Variants in KCNIP4 observed in about 807,000 individuals in gnomAD.
The protein encoded by KCNIP4 is Kv channel-interacting protein 4.
Under a neutral mutation model 34.0 loss-of-function variants are expected in KCNIP4, and 12 were observed. The observed-to-expected ratio is 0.35, with a 90% CI of 0.23 to 0.57. KCNIP4 has a LOEUF of 0.57. KCNIP4 is among the 20% of genes least tolerant of loss of function. KCNIP4 has a pLI of 0.83. For missense variants in KCNIP4, 238 were observed against 311.7 expected (o/e 0.76, Z 1.78); for synonymous variants, 124 against 102.2 (o/e 1.21, Z -1.29).
At chr4:20,839,377 CATCT>C (rs2149469062) in intron 3 of KCNIP4, among the ~76,000 whole-genome samples, 1 of 151,514 alleles carries the variant, frequency 6.6e-6, no homozygotes, top group African/African-American at 2.4e-5. Flanking sequence ...TACCTATAGA[CATCT>C]ATCTCTATAT....
intron 5 of KCNIP4, among the ~76,000 whole-genome samples, chr4:20,737,662 G>A (rs182218807): frequency 1.3e-5 from 2 of 152,300 alleles, no homozygotes; most frequent in African/African-American, 4.8e-5. Context: ...AAGAATCTGA[G>A]GTTTGAGGAG....
At chr4:21,861,492 A>G (rs1279728073) in intron 1 of KCNIP4, among the ~76,000 whole-genome samples, 1 of 151,960 alleles carries the variant, frequency 6.6e-6, no homozygotes, top group Non-Finnish European at 1.5e-5. Context: ...TCTCTATTAA[A>G]AATACAAAAA....
chr4:21,938,109 A>C (rs1729971600), intron 1 of KCNIP4, among the ~76,000 whole-genome samples: 1 of 152,116 alleles, frequency 6.6e-6, no homozygotes. Flanking sequence ...TCAGGACCAC[A>C]GTTCTCCCTG....
intron 1 of KCNIP4, among the ~76,000 whole-genome samples, chr4:21,940,962 A>G (rs1478263063): frequency 2.0e-5 from 3 of 152,152 alleles, no homozygotes; most frequent in Non-Finnish European, 4.4e-5. Flanking sequence ...AGATGTAACT[A>G]TAAGACACTT....
chr4:21,013,974 C>G (rs778002068), intron 1 of KCNIP4, among the ~76,000 whole-genome samples: 3 of 152,164 alleles, frequency 2.0e-5, no homozygotes, highest in Non-Finnish European at 4.4e-5. Flanking sequence ...CAGAATCCTT[C>G]TTATCTTCCC....
intron 1 of KCNIP4, among the ~76,000 whole-genome samples, chr4:21,538,835 G>A (rs908444100): frequency 3.3e-5 from 5 of 152,130 alleles, no homozygotes; most frequent in Non-Finnish European, 5.9e-5. Flanking sequence ...TCACAAAACT[G>A]TTACATACAT....
At chr4:21,273,166 T>C (rs1167641010) in intron 1 of KCNIP4, among the ~76,000 whole-genome samples, 2 of 152,132 alleles carry the variant, frequency 1.3e-5, no homozygotes, top group African/African-American at 2.4e-5. Context: ...CCTTATCAAT[T>C]TGACCTCTTC....
intron 3 of KCNIP4, among the ~76,000 whole-genome samples, chr4:20,806,234 T>C (rs1222914304): frequency 6.6e-6 from 1 of 152,064 alleles, no homozygotes; most frequent in Non-Finnish European, 1.5e-5. Flanking sequence ...TTATATGTCT[T>C]CTAATTTTGC....
rs149301435 is a variant in KCNIP4, at chr4:21,566,466, C to T, written c.61+382105G>A. ...CTGGTTGTTTAAAAGTTTATAGCACCTCCCCCTTCGCTCTCTTCCTCCTGC... is the reference window on the plus strand; with the variant it reads ...CTGGTTGTTTAAAAGTTTATAGCACTTCCCCCTTCGCTCTCTTCCTCCTGC... On this transcript the variant is annotated intron_variant, in intron 1 of 8. Coordinates refer to ENST00000382152, the MANE Select transcript of KCNIP4 (RefSeq NM_025221.6). Among the ~76,000 whole-genome samples the T allele has an allele frequency of 3.7e-3, 559 of 152,142 alleles. 1 individual carries two copies. The highest frequency in any genetic ancestry group is 5.7e-3 in the Non-Finnish European group (390 of 67,990).
At chr4:21,541,180 C>CAAA (rs60459395) in intron 1 of KCNIP4, among the ~76,000 whole-genome samples, 8,928 of 107,282 alleles carry the variant, frequency 0.083, 498 homozygotes, top group South Asian at 0.2. Flanking sequence ...CAAAAGAAAA[C>CAAA]AAAAAAAAAA....
rs147854267 is a variant in KCNIP4 at position 21,593,378 on chromosome 4, C to T, written c.61+355193G>A. ...AGAGCAAAGACAGAGTGGGAACCTC[C>T]GAGTGGTTTTGTGGTCGGAGTGCTC... is the stretch of plus-strand genomic sequence containing the variant. On this transcript the variant is annotated intron_variant, in intron 1 of 8. Coordinates refer to ENST00000382152, the MANE Select transcript of KCNIP4 (RefSeq NM_025221.6). Among the ~76,000 whole-genome samples the T allele has an allele frequency of 1.8e-4, 28 of 152,152 alleles. No individual in the cohort carries two copies. In the East Asian group the frequency reaches 3.1e-3, roughly 17 times the overall value.
chr4:21,077,855 T>C (rs1470916029), intron 1 of KCNIP4, among the ~76,000 whole-genome samples: 1 of 152,110 alleles, frequency 6.6e-6, no homozygotes, highest in East Asian at 1.9e-4. Context: ...TTGTTCAAAA[T>C]GTAATAAAAT....
chr4:21,671,123 G>A (rs1749470859), intron 1 of KCNIP4, among the ~76,000 whole-genome samples: 1 of 152,010 alleles, frequency 6.6e-6, no homozygotes, highest in Non-Finnish European at 1.5e-5. Context: ...TAAGTGTTCA[G>A]CCGACTTTGA....
intron 1 of KCNIP4, among the ~76,000 whole-genome samples, chr4:21,559,078 G>C (rs1235219386): frequency 6.6e-6 from 1 of 152,042 alleles, no homozygotes; most frequent in African/African-American, 2.4e-5. Flanking sequence ...TTTTGAAAAA[G>C]ACAATCAAGT....
intron 1 of KCNIP4, among the ~76,000 whole-genome samples, chr4:20,930,329 C>A (rs11734997): frequency 0.19 from 28,699 of 151,684 alleles, 3,202 homozygotes; most frequent in East Asian, 0.48. Flanking sequence ...GAAATTGGAC[C>A]CTAATCTTGC....
intron 1 of KCNIP4, among the ~76,000 whole-genome samples, chr4:21,569,466 C>T (rs776833036): frequency 3.3e-5 from 5 of 151,850 alleles, no homozygotes; most frequent in Non-Finnish European, 5.9e-5. Context: ...TTTGAGGATT[C>T]ATGACATTCT....
intron 1 of KCNIP4, among the ~76,000 whole-genome samples, chr4:21,787,695 G>A (rs562067768): frequency 2.6e-5 from 4 of 152,124 alleles, no homozygotes; most frequent in Admixed American, 6.5e-5. Flanking sequence ...CCATTATAAC[G>A]TTTCACACAC....
chr4:21,761,766 T>C (rs577881973), intron 1 of KCNIP4, among the ~76,000 whole-genome samples: 2 of 152,162 alleles, frequency 1.3e-5, no homozygotes, highest in African/African-American at 2.4e-5. Flanking sequence ...GAGGGGAAAA[T>C]TGTATTGTTT....
intron 1 of KCNIP4, among the ~76,000 whole-genome samples, chr4:21,244,221 A>G (rs1760043316): frequency 6.6e-6 from 1 of 152,208 alleles, no homozygotes; most frequent in Non-Finnish European, 1.5e-5. Flanking sequence ...TCAAATCAGC[A>G]TAATTGGGAT....
Sources: allele counts gnomAD v4.1 joint callset (sites outside exome capture counted in the v4.1 genomes callset), GRCh38; gene constraint gnomAD v4.1.1; transcripts MANE v1.5; gene names NCBI Gene and HGNC (gene_info 2026-07-23, HGNC 2026-07-21).